GABRB1: variants seen among roughly 807,000 people sequenced by gnomAD.
The protein encoded by GABRB1 is gamma-aminobutyric acid type A receptor subunit beta1.
In GABRB1, 17 loss-of-function variants were observed where a neutral mutation model predicts 51.6. The ratio of observed to expected loss-of-function variants is 0.33; its 90% CI spans 0.23 to 0.49. The LOEUF (loss-of-function observed/expected upper bound fraction) is 0.49, where lower values mean the gene tolerates loss of function less well. GABRB1 is among the 20% of genes least tolerant of loss of function. The pLI, the probability that GABRB1 is intolerant of heterozygous loss-of-function variation, is 0.99. For missense variants in GABRB1, 410 were observed against 600.6 expected (o/e 0.68, Z 3.32); for synonymous variants, 247 against 218.9 (o/e 1.13, Z -1.14).
intron 3 of GABRB1, among the ~76,000 whole-genome samples, chr4:47,042,470 A>G (rs1264461620): frequency 1.4e-5 from 2 of 146,984 alleles, no homozygotes; most frequent in Non-Finnish European, 3.0e-5. Flanking sequence ...TGCACAGTAT[A>G]TATATACAAA....
intron 4 of GABRB1, among the ~76,000 whole-genome samples, chr4:47,285,792 G>A (rs112276258): frequency 6.6e-6 from 1 of 152,098 alleles, no homozygotes; most frequent in African/African-American, 2.4e-5. Flanking sequence ...ATCATAAAAG[G>A]CCTGGTACAT....
intron 4 of GABRB1, among the ~76,000 whole-genome samples, chr4:47,204,965 T>C (rs1473217753): frequency 6.6e-6 from 1 of 152,170 alleles, no homozygotes; most frequent in African/African-American, 2.4e-5. Flanking sequence ...GATTTGTTGA[T>C]AAATGAAACA....
intron 3 of GABRB1, among the ~76,000 whole-genome samples, chr4:47,091,445 C>T (rs1246040228): frequency 6.6e-6 from 1 of 151,860 alleles, no homozygotes; most frequent in Non-Finnish European, 1.5e-5. Flanking sequence ...AGAAATAATT[C>T]CTCAGAAAAG....
intron 4 of GABRB1, among the ~76,000 whole-genome samples, chr4:47,213,998 C>T (rs1176468469): frequency 6.6e-6 from 1 of 152,082 alleles, no homozygotes; most frequent in African/African-American, 2.4e-5. Context: ...CATCCCCGCA[C>T]CCCAAACAGC....
At chr4:47,125,555 A>ATTTTTTTTTTTTTTT (rs570181191) in intron 3 of GABRB1, among the ~76,000 whole-genome samples, 6 of 21,016 alleles carry the variant, frequency 2.9e-4, no homozygotes, top group Non-Finnish European at 6.2e-4. Context: ...ACAAAGTATA[A>ATTTTTTTTTTTTTTT]TTTCTTTTTT....
Position 47,351,664 on chromosome 4 carries a change from G to GT in GABRB1, c.544+31461dup, listed in dbSNP as rs535064626. On this transcript the variant is annotated intron_variant, in intron 5 of 8. Transcript: ENST00000295454. The stretch of plus-strand genomic sequence containing the variant: ...TATGAGTGAGAACATGTGGTGTTTG[G>GT]TTTTTTGTCCTTGCGATAGTTTACT... 5.1e-3 allele frequency among the ~76,000 whole-genome samples: 761 copies of GT among 148,188 alleles called. 2 individuals carry two copies. Among genetic ancestry groups the GT allele is most frequent in the African/African-American group, 0.019 (742 of 40,056 alleles).
intron 4 of GABRB1, among the ~76,000 whole-genome samples, chr4:47,201,412 AC>A (rs1577996549): frequency 6.6e-6 from 1 of 152,198 alleles, no homozygotes; most frequent in African/African-American, 2.4e-5. Flanking sequence ...GTCCACCTTG[AC>A]CAACTGTCTT....
intron 5 of GABRB1, among the ~76,000 whole-genome samples, chr4:47,402,007 T>C (rs567964645): frequency 6.6e-6 from 1 of 152,246 alleles, no homozygotes; most frequent in African/African-American, 2.4e-5. Flanking sequence ...ATTAGTCCCA[T>C]GTAGATTATT....
intron 3 of GABRB1, among the ~76,000 whole-genome samples, chr4:47,148,431 T>A (rs1717275324): frequency 1.3e-5 from 2 of 152,080 alleles, no homozygotes; most frequent in African/African-American, 4.8e-5. Context: ...GGACTCACAA[T>A]GTAAATTAAG....
intron 4 of GABRB1, among the ~76,000 whole-genome samples, chr4:47,210,378 A>T (rs1056304871): frequency 1.9e-4 from 29 of 152,138 alleles, no homozygotes; most frequent in African/African-American, 6.0e-4. Context: ...ATAGAATGAT[A>T]AATTATCCAC....
At chr4:47,276,730 C>T (rs1230419848) in intron 4 of GABRB1, among the ~76,000 whole-genome samples, 2 of 152,098 alleles carry the variant, frequency 1.3e-5, no homozygotes, top group Non-Finnish European at 2.9e-5. Flanking sequence ...TTAACTTTGG[C>T]ACTATTGATA....
chr4:47,337,603 G>C (rs563991865), intron 5 of GABRB1, among the ~76,000 whole-genome samples: 1 of 151,802 alleles, frequency 6.6e-6, no homozygotes, highest in South Asian at 2.1e-4. Flanking sequence ...TCAGGAGTTC[G>C]AGACCAACCT....
intron 5 of GABRB1, among the ~76,000 whole-genome samples, chr4:47,332,429 T>C (rs1228301592): frequency 1.3e-5 from 2 of 152,182 alleles, no homozygotes; most frequent in Non-Finnish European, 2.9e-5. Flanking sequence ...GACATATTCT[T>C]ATGAGGGGTC....
At chr4:47,403,245 C>G (rs1728459206) in intron 5 of GABRB1, 73 bp from the exon 6 acceptor site, 1 of 1,547,654 alleles carries the variant, frequency 6.5e-7, no homozygotes, top group South Asian at 1.2e-5. Flanking sequence ...GGGAATTTTT[C>G]CTCTAGCTCC....
intron 4 of GABRB1, among the ~76,000 whole-genome samples, chr4:47,258,137 C>A (rs538475603): frequency 1.1e-4 from 16 of 152,024 alleles, no homozygotes; most frequent in Non-Finnish European, 2.4e-4. Context: ...CATTTTCTTG[C>A]AGTGTATCAT....
At chr4:47,192,903 T>C (rs1335742866) in intron 4 of GABRB1, among the ~76,000 whole-genome samples, 2 of 152,208 alleles carry the variant, frequency 1.3e-5, no homozygotes, top group Non-Finnish European at 2.9e-5. Context: ...AGTACTATTT[T>C]ATCCCCATTT....
At chr4:47,160,108 C>T (rs1456422377) in intron 3 of GABRB1, among the ~76,000 whole-genome samples, 1 of 152,002 alleles carries the variant, frequency 6.6e-6, no homozygotes, top group African/African-American at 2.4e-5. Context: ...GAAAACCATC[C>T]CTTCCAGCAA....
At chr4:47,282,561 C>T (rs573508345) in intron 4 of GABRB1, among the ~76,000 whole-genome samples, 7 of 150,650 alleles carry the variant, frequency 4.6e-5, no homozygotes, top group Non-Finnish European at 1.0e-4. Flanking sequence ...AGCAACTAAG[C>T]ATAAAAAAAA....
chr4:47,031,589 G>A lies in GABRB1; in HGVS notation c.-63G>A, dbSNP rs991717394. 7.9e-6 allele frequency: 11 copies of A among 1,396,692 alleles called. No individual in the cohort carries two copies. In the African/African-American group the frequency reaches 1.3e-4, roughly 16 times the overall value. The allele number at this position is 1,396,692 out of a possible 1,614,324, so 86.5% of individuals were successfully genotyped here. Reference sequence around the variant, plus strand: ...TCCATTCGGGAATTACTGCCCAGCAGCCGACTAAGTTGCATTCCTTGAATC... The same window carrying A: ...TCCATTCGGGAATTACTGCCCAGCAACCGACTAAGTTGCATTCCTTGAATC... On this transcript the variant is annotated 5_prime_UTR_variant, in exon 1 of 9. Transcript: ENST00000295454.
Sources: gnomAD v4.1 joint callset for allele counts (sites outside exome capture counted in the v4.1 genomes callset) on GRCh38, gnomAD v4.1.1 for gene constraint, MANE v1.5 for transcripts, NCBI Gene and HGNC (gene_info 2026-07-23, HGNC 2026-07-21) for gene names.